Variants in CSTPP1 observed in about 807,000 individuals in gnomAD.
CSTPP1 encodes the protein centriolar satellite-associated tubulin polyglutamylase complex regulator 1.
chr11:46,941,505 A>G, the CSTPP1 span, among the ~76,000 whole-genome samples: 1 of 151,914 alleles, frequency 6.6e-6, no homozygotes. Context: ...ATGCCCAGCT[A>G]ATTTTTGTAT....
At chr11:47,077,312 G>A in the CSTPP1 span, among the ~76,000 whole-genome samples, 158 of 151,162 alleles carry the variant, frequency 1.0e-3, 1 homozygote, top group South Asian at 0.015. Flanking sequence ...CGATTCTCCT[G>A]CCTCAGCCTC....
the CSTPP1 span, among the ~76,000 whole-genome samples, chr11:47,046,120 G>T: frequency 2.6e-5 from 4 of 151,926 alleles, no homozygotes; most frequent in Non-Finnish European, 5.9e-5. Context: ...AAGGTATATT[G>T]TCCTGTAGGT....
the CSTPP1 span, among the ~76,000 whole-genome samples, chr11:47,073,846 G>A: frequency 1.3e-5 from 2 of 151,970 alleles, no homozygotes; most frequent in Admixed American, 1.3e-4. Flanking sequence ...TCTGAATATT[G>A]ACTCTAAAGT....
At chr11:47,035,018 G>A in the CSTPP1 span, among the ~76,000 whole-genome samples, 1 of 152,020 alleles carries the variant, frequency 6.6e-6, no homozygotes, top group Non-Finnish European at 1.5e-5. Flanking sequence ...GATCATATTA[G>A]GGTCATATGC....
At chr11:46,991,271 T>G in the CSTPP1 span, among the ~76,000 whole-genome samples, 1 of 151,828 alleles carries the variant, frequency 6.6e-6, no homozygotes, top group East Asian at 1.9e-4. Context: ...TGGCCTCACC[T>G]TGGGTTTCTG....
chr11:46,997,049 C>A, the CSTPP1 span, among the ~76,000 whole-genome samples: 1 of 152,094 alleles, frequency 6.6e-6, no homozygotes, highest in East Asian at 1.9e-4. Context: ...TTGCTCTTCT[C>A]GAGGAGTATC....
chr11:47,116,646 C>A, the CSTPP1 span, among the ~76,000 whole-genome samples: 3 of 112,766 alleles, frequency 2.7e-5, no homozygotes, highest in Non-Finnish European at 3.9e-5. Flanking sequence ...GCAATCCCTG[C>A]TTTTTTTTGC....
chr11:47,155,398 C>T, the CSTPP1 span: 54 of 800,806 alleles, frequency 6.7e-5, no homozygotes, highest in African/African-American at 4.2e-4. Flanking sequence ...CACTGCGGGT[C>T]GCTAACAGGA....
chr11:47,161,825 G>C, the CSTPP1 span: 1 of 1,397,710 alleles, frequency 7.2e-7, no homozygotes, highest in Non-Finnish European at 9.3e-7. Flanking sequence ...GAAGGTGAAT[G>C]GCCTGCTCTC....
the CSTPP1 span, among the ~76,000 whole-genome samples, chr11:47,035,693 A>G: frequency 6.6e-6 from 1 of 152,160 alleles, no homozygotes; most frequent in Non-Finnish European, 1.5e-5. Context: ...TTTATAACAG[A>G]TTTGTGTATA....
At chr11:47,118,196 A>G in the CSTPP1 span, among the ~76,000 whole-genome samples, 1 of 152,056 alleles carries the variant, frequency 6.6e-6, no homozygotes, top group Non-Finnish European at 1.5e-5. Flanking sequence ...TATTTCATTA[A>G]TTTGATCTTC....
the CSTPP1 span, among the ~76,000 whole-genome samples, chr11:47,048,048 G>T: frequency 6.6e-6 from 1 of 152,194 alleles, no homozygotes; most frequent in Non-Finnish European, 1.5e-5. Flanking sequence ...CTTGTGCATT[G>T]CTAGTGAGAA....
the CSTPP1 span, among the ~76,000 whole-genome samples, chr11:46,939,369 G>A: frequency 3.9e-5 from 6 of 151,998 alleles, no homozygotes; most frequent in South Asian, 2.1e-4. Flanking sequence ...GATTACAGGC[G>A]TGAGCCACCG....
At chr11:47,140,466 A>G in the CSTPP1 span, among the ~76,000 whole-genome samples, 1 of 152,196 alleles carries the variant, frequency 6.6e-6, no homozygotes, top group African/African-American at 2.4e-5. Flanking sequence ...TCTGTAGCCC[A>G]GGCTGGAGGG....
chr11:46,947,437 T>C, the CSTPP1 span, among the ~76,000 whole-genome samples: 1 of 152,256 alleles, frequency 6.6e-6, no homozygotes, highest in Admixed American at 6.5e-5. Context: ...CAAACACAAC[T>C]GAACTTACAA....
chr11:47,001,118 T>C, the CSTPP1 span, among the ~76,000 whole-genome samples: 1 of 152,148 alleles, frequency 6.6e-6, no homozygotes, highest in Non-Finnish European at 1.5e-5. Context: ...ATGCACCTTT[T>C]CTTTGTCCAC....
At chr11:47,157,958 C>A in the CSTPP1 span, 1 of 1,560,790 alleles carries the variant, frequency 6.4e-7, no homozygotes, top group Non-Finnish European at 8.8e-7. Context: ...GCCTCTCCTG[C>A]CGCACAACAC....
the CSTPP1 span, among the ~76,000 whole-genome samples, chr11:46,988,236 A>T: frequency 6.6e-6 from 1 of 152,224 alleles, no homozygotes; most frequent in Non-Finnish European, 1.5e-5. Flanking sequence ...AAAGGAAATT[A>T]GTGTATCGAA....
At chr11:47,013,883 C>T in the CSTPP1 span, among the ~76,000 whole-genome samples, 8 of 152,182 alleles carry the variant, frequency 5.3e-5, no homozygotes, top group Non-Finnish European at 1.2e-4. Flanking sequence ...TATTTCTTCA[C>T]AGCCTTGCCA....
Sources: gnomAD v4.1 joint callset for allele counts (sites outside exome capture counted in the v4.1 genomes callset) on GRCh38, gnomAD v4.1.1 for gene constraint, MANE v1.5 for transcripts, NCBI Gene and HGNC (gene_info 2026-07-23, HGNC 2026-07-21) for gene names.